The following PJA2 variants were observed in gnomAD, a reference collection of about 807,000 sequenced individuals.
The protein encoded by PJA2 is E3 ubiquitin-protein ligase Praja-2.
A neutral mutation model predicts 69.3 loss-of-function variants in PJA2; 25 were observed. That is an observed-to-expected ratio of 0.36 (90% CI 0.26 to 0.50). The LOEUF (loss-of-function observed/expected upper bound fraction) is 0.50, where lower values mean the gene tolerates loss of function less well. PJA2 is among the 20% of genes least tolerant of loss of function. The pLI is 0.96. For missense variants in PJA2, 809 were observed against 830.2 expected, an observed-to-expected ratio of 0.97 and a Z score of 0.31; for synonymous variants, 308 against 277.8, an observed-to-expected ratio of 1.11 and a Z score of -1.08.
intron 5 of PJA2, among the ~76,000 whole-genome samples, chr5:109,363,568 T>A (rs1762533592): frequency 6.6e-6 from 1 of 152,168 alleles, no homozygotes; most frequent in Admixed American, 6.5e-5. Context: ...TGCACTGAAT[T>A]TTTACTTTGC....
rs574596751 is a variant in PJA2, at chr5:109,337,066, T to C, written c.*165A>G. On this transcript the variant is annotated 3_prime_UTR_variant, in exon 10 of 10. Transcript: ENST00000361189. ...CAGCTTAAAAATGTTTAATACTTTC[T>C]GCAAACCTAAATTTAGTTTAGAAAG... 7.1e-6 allele frequency: 4 copies of C among 566,990 alleles called. No homozygotes were observed. In the South Asian group the frequency reaches 1.8e-4, roughly 26 times the overall value. 35.1% of individuals were successfully genotyped at this position (566,990 alleles called of 1,614,324 possible). A position where few individuals can be genotyped will look rare whatever the true frequency, so the allele number is the denominator to read the frequency against.
intron 1 of PJA2, among the ~76,000 whole-genome samples, chr5:109,400,216 G>C (rs552772883): frequency 2.6e-5 from 4 of 151,722 alleles, no homozygotes; most frequent in African/African-American, 9.7e-5. Flanking sequence ...GCTTGAAGTC[G>C]GGAGGCAGAG....
chr5:109,387,681 C>G (rs1747189704), intron 1 of PJA2, among the ~76,000 whole-genome samples: 3 of 152,126 alleles, frequency 2.0e-5, no homozygotes, highest in Non-Finnish European at 2.9e-5. Flanking sequence ...AATTATTAAC[C>G]TAGAAGTAAT....
chr5:109,408,612 C>T (rs943124637), intron 1 of PJA2, among the ~76,000 whole-genome samples: 3 of 151,786 alleles, frequency 2.0e-5, no homozygotes, highest in African/African-American at 7.3e-5. Flanking sequence ...GAACACTAAA[C>T]TGTCAACTTT....
intron 5 of PJA2, among the ~76,000 whole-genome samples, chr5:109,364,353 G>A (rs1209747546): frequency 1.3e-5 from 2 of 152,098 alleles, no homozygotes; most frequent in African/African-American, 4.8e-5. Context: ...GCCGGGCGCG[G>A]TGGCTCACGC....
intron 4 of PJA2, among the ~76,000 whole-genome samples, chr5:109,370,032 CAAAAAAAAAA>C (rs1168528650): frequency 1.4e-4 from 7 of 49,096 alleles, no homozygotes; most frequent in African/African-American, 2.9e-4. Context: ...AACTCCCTCT[CAAAAAAAAAA>C]AAAAAAAAAA....
chr5:109,393,569 G>A (rs1334729249), intron 1 of PJA2, among the ~76,000 whole-genome samples: 3 of 151,614 alleles, frequency 2.0e-5, no homozygotes, highest in African/African-American at 4.8e-5. Flanking sequence ...AGGAGTTCGA[G>A]GCTGCAGTGA....
At chr5:109,356,701 T>C (rs775248074) in intron 6 of PJA2, among the ~76,000 whole-genome samples, 17 of 152,230 alleles carry the variant, frequency 1.1e-4, no homozygotes, top group Admixed American at 6.5e-5. Context: ...TTTTCTTTTC[T>C]CATTTTGTAA....
Position 109,345,813 on chromosome 5 carries a change from G to T in PJA2, c.1765-994C>A, listed in dbSNP as rs138544794. ...CAAGTATTACTAGGTTATCTGGGTT[G>T]TGAATTTCATTTACAGGTTCAAATA... On this transcript the variant is annotated intron_variant, in intron 7 of 9. Coordinates refer to ENST00000361189, the MANE Select transcript of PJA2 (RefSeq NM_014819.5). Among the ~76,000 whole-genome samples the T allele has an allele frequency of 9.2e-5, 14 of 152,310 alleles. No individual in the cohort carries two copies. In the East Asian group the frequency reaches 2.3e-3, roughly 25 times the overall value.
intron 1 of PJA2, among the ~76,000 whole-genome samples, chr5:109,385,602 G>A (rs370613992): frequency 6.6e-6 from 1 of 152,176 alleles, no homozygotes; most frequent in East Asian, 1.9e-4. Context: ...AGAATTATGA[G>A]CTGTTAGTAT....
intron 9 of PJA2, among the ~76,000 whole-genome samples, chr5:109,341,979 C>A (rs1483870661): frequency 0.017 from 2,083 of 123,406 alleles, no homozygotes; most frequent in Non-Finnish European, 0.026. Flanking sequence ...GCCCGGCCAG[C>A]CGCCCCGTCC....
At chr5:109,340,194 T>G (rs979005419) in intron 9 of PJA2, among the ~76,000 whole-genome samples, 1 of 152,224 alleles carries the variant, frequency 6.6e-6, no homozygotes, top group Non-Finnish European at 1.5e-5. Context: ...TAATAATAGC[T>G]TTCATCTGAT....
intron 1 of PJA2, chr5:109,390,517 T>A (rs1408958219): frequency 6.6e-6 from 1 of 152,034 alleles, no homozygotes; most frequent in African/African-American, 2.4e-5. Flanking sequence ...TACTCACTTA[T>A]ATATAATGTC....
intron 7 of PJA2, among the ~76,000 whole-genome samples, chr5:109,348,954 G>A (rs1035355917): frequency 2.0e-5 from 3 of 152,106 alleles, no homozygotes; most frequent in African/African-American, 7.2e-5. Context: ...GCCAGTTGTT[G>A]GAAGTTAAAT....
intron 5 of PJA2, among the ~76,000 whole-genome samples, chr5:109,365,589 T>G (rs1762572453): frequency 6.6e-6 from 1 of 152,190 alleles, no homozygotes. Context: ...ATCCTTTTTT[T>G]TTTAAAACAA....
intron 1 of PJA2, among the ~76,000 whole-genome samples, chr5:109,405,387 C>T (rs1747661522): frequency 6.6e-6 from 1 of 152,158 alleles, no homozygotes; most frequent in Admixed American, 6.6e-5. Context: ...AAATTAAAAT[C>T]CCTTCAGGTC....
intron 7 of PJA2, among the ~76,000 whole-genome samples, chr5:109,351,222 C>T (rs1293433227): frequency 6.6e-6 from 1 of 151,960 alleles, no homozygotes; most frequent in Non-Finnish European, 1.5e-5. Flanking sequence ...TAATAAACTC[C>T]TTCCATTCCT....
chr5:109,404,772 G>A (rs930691641), intron 1 of PJA2, among the ~76,000 whole-genome samples: 7 of 152,106 alleles, frequency 4.6e-5, no homozygotes, highest in South Asian at 4.1e-4. Flanking sequence ...CCCTCACAAT[G>A]GGGATTATGT....
intron 6 of PJA2, among the ~76,000 whole-genome samples, chr5:109,362,154 A>G (rs996512593): frequency 3.9e-5 from 6 of 152,226 alleles, no homozygotes; most frequent in African/African-American, 1.2e-4. Flanking sequence ...CAGAAAAAGT[A>G]AAAAAAGGGA....
Sources: allele counts gnomAD v4.1 joint callset (sites outside exome capture counted in the v4.1 genomes callset), GRCh38; gene constraint gnomAD v4.1.1; transcripts MANE v1.5; gene names NCBI Gene and HGNC (gene_info 2026-07-23, HGNC 2026-07-21).